Variants in FYCO1 observed in about 807,000 individuals in gnomAD.
FYCO1 encodes the protein FYVE and coiled-coil domain autophagy adaptor 1, also known as FYVE and coiled-coil domain-containing protein 1.
A neutral mutation model predicts 165.1 loss-of-function variants in FYCO1; 122 were observed. That is an observed-to-expected ratio of 0.74 (90% CI 0.64 to 0.86). FYCO1 has a LOEUF of 0.86. Among genes scored for constraint, FYCO1 ranks in the 40% least tolerant of loss-of-function variants. FYCO1 has a pLI of 0.00. For missense variants in FYCO1, 1,702 were observed against 1,810.3 expected (o/e 0.94, Z 1.09); for synonymous variants, 648 against 742.5 (o/e 0.87, Z 2.07).
chr3:45,950,361 A>G (rs1458776155), intron 14 of FYCO1, among the ~76,000 whole-genome samples: 1 of 152,144 alleles, frequency 6.6e-6, no homozygotes, highest in Admixed American at 6.5e-5. Flanking sequence ...TAATGGCCAC[A>G]TCATCTGAGA....
Position 45,964,650 on chromosome 3 carries a change from G to T in FYCO1, c.3151-196C>A. ...CAACTGCAACTAGTTGTGGTGGTTG[G>T]CAAGTGGCAGGTACCAGAATTCCCA... On this transcript the variant is annotated intron_variant, in intron 9 of 17. Transcript: ENST00000296137. The surrounding 1 kb of genome is among the most constrained non-coding windows in gnomAD (Gnocchi z 4.1). 2 of 676,694 alleles carry T rather than the reference G, an allele frequency of 3.0e-6. No homozygotes were observed. The highest frequency in any genetic ancestry group is 3.6e-6 in the Non-Finnish European group (2 of 547,978). 41.9% of individuals were successfully genotyped at this position (676,694 alleles called of 1,614,324 possible). A position where few individuals can be genotyped will look rare whatever the true frequency, so the allele number is the denominator to read the frequency against.
At position 45,918,513 on chromosome 3, in the gene FYCO1, C is replaced by T. The variant is rs1053825853; in HGVS notation, c.*3252G>A. ...GAATGGCTTCTCTCTGCTTTAATTC[C>T]CAACACCTCTGAGCCAAGGACAGTT... On this transcript the variant is annotated 3_prime_UTR_variant, in exon 18 of 18. Transcript: ENST00000296137. 1.3e-5 allele frequency: 2 copies of T among 151,988 alleles called. No homozygotes were observed. The highest frequency in any genetic ancestry group is 2.9e-5 in the Non-Finnish European group (2 of 68,004). 9.4% of individuals were successfully genotyped at this position (151,988 alleles called of 1,614,324 possible).
At chr3:45,940,555 G>C (rs1043317817) in intron 14 of FYCO1, among the ~76,000 whole-genome samples, 1 of 152,210 alleles carries the variant, frequency 6.6e-6, no homozygotes, top group Non-Finnish European at 1.5e-5. Context: ...TGCTCCAAGG[G>C]AAGAGTCGGG....
At chr3:45,960,749 T>C (rs1194334683) in intron 11 of FYCO1, among the ~76,000 whole-genome samples, 1 of 152,212 alleles carries the variant, frequency 6.6e-6, no homozygotes. Context: ...TCAGATTGTA[T>C]GTGCCTCTTG....
rs1703086298 is a variant in FYCO1, at chr3:45,921,419, GC to G, written c.*345del. 2.8e-6 allele frequency: 1 copy of G among 355,428 alleles called. No homozygotes were observed. Among genetic ancestry groups the G allele is most frequent in the Admixed American group, 4.0e-5 (1 of 25,310 alleles). The allele number at this position is 355,428 out of a possible 1,614,324, so 22.0% of individuals were successfully genotyped here. A position where few individuals can be genotyped will look rare whatever the true frequency, so the allele number is the denominator to read the frequency against. ...ACAGGCAGAAGTTGGAATCACCCCTGCCCGTGAAACTCTCCACAAGAGGCCT... is the reference window on the plus strand; with the variant it reads ...ACAGGCAGAAGTTGGAATCACCCCTGCCGTGAAACTCTCCACAAGAGGCCT... On this transcript the variant is annotated 3_prime_UTR_variant, in exon 18 of 18. Transcript: ENST00000296137.
intron 14 of FYCO1, among the ~76,000 whole-genome samples, chr3:45,950,594 C>T (rs1447166804): frequency 1.3e-5 from 2 of 152,154 alleles, no homozygotes; most frequent in Non-Finnish European, 2.9e-5. Context: ...AAGCAGCACC[C>T]CCTTCCAGCT....
At position 45,964,505 on chromosome 3, in the gene FYCO1, A is replaced by AC; in HGVS notation, c.3151-52dup. The AC allele has an allele frequency of 6.8e-6, 11 of 1,610,282 alleles. No homozygotes were observed. Among genetic ancestry groups the AC allele is most frequent in the Non-Finnish European group, 9.3e-6 (11 of 1,178,424 alleles). ...CACTCAGCTTGCAGAAGGCCATGCA[A>AC]CGTACCATAAAGTGGCTGGTGTGCC... On this transcript the variant is annotated intron_variant, in intron 9 of 17. Transcript: ENST00000296137. This position sits in a 1 kb window ranked among gnomAD's most constrained non-coding sequence, Gnocchi z 4.1.
intron 1 of FYCO1, among the ~76,000 whole-genome samples, chr3:45,989,797 C>T (rs1285697390): frequency 4.6e-5 from 7 of 152,150 alleles, no homozygotes; most frequent in Admixed American, 3.3e-4. Context: ...TCCATGGACC[C>T]CAGAGAGCAG....
intron 4 of FYCO1, among the ~76,000 whole-genome samples, chr3:45,978,003 A>G (rs1706857925): frequency 6.6e-6 from 1 of 152,226 alleles, no homozygotes; most frequent in African/African-American, 2.4e-5. Flanking sequence ...AGCAGAGCCT[A>G]TGCCAGCCAC....
At position 45,964,234 on chromosome 3, in the gene FYCO1, G is replaced by T; in HGVS notation, c.3269+102C>A. On this transcript the variant is annotated intron_variant, in intron 10 of 17. Transcript: ENST00000296137. The surrounding 1 kb of genome is among the most constrained non-coding windows in gnomAD (Gnocchi z 4.1). The stretch of plus-strand genomic sequence containing the variant: ...GAGTTTGTGGCTTTTCTTGCAAAAG[G>T]ACTTCCTAAACCTAATATGAGTGAC... The T allele has an allele frequency of 1.0e-6, 1 of 956,428 alleles. No homozygotes were observed. 59.2% of individuals were successfully genotyped at this position (956,428 alleles called of 1,614,324 possible).
chr3:45,950,947 C>T (rs963071755), intron 14 of FYCO1, among the ~76,000 whole-genome samples: 2 of 152,204 alleles, frequency 1.3e-5, no homozygotes, highest in African/African-American at 4.8e-5. Context: ...CATCAAATCT[C>T]CTGGTGGGTG....
chr3:45,965,286 C>G (rs1378851564), intron 8 of FYCO1, among the ~76,000 whole-genome samples, 161 bp from the exon 9 acceptor site: 1 of 152,250 alleles, frequency 6.6e-6, no homozygotes, highest in African/African-American at 2.4e-5. Flanking sequence ...GAAACACTTT[C>G]AAGCTTACTA....
At chr3:45,931,869 C>T (rs1421723134) in intron 15 of FYCO1, among the ~76,000 whole-genome samples, 1 of 152,160 alleles carries the variant, frequency 6.6e-6, no homozygotes, top group Middle Eastern at 3.2e-3. Context: ...AAGGGTGGTG[C>T]AAGTAATACA....
intron 11 of FYCO1, among the ~76,000 whole-genome samples, chr3:45,961,082 G>A (rs970060552): frequency 1.3e-5 from 2 of 152,122 alleles, no homozygotes; most frequent in African/African-American, 4.8e-5. Context: ...AAAGTAGAGA[G>A]ATGATAGGGA....
At chr3:45,973,417 A>G (rs1706557009) in intron 5 of FYCO1, among the ~76,000 whole-genome samples, 186 bp from the exon 6 acceptor site, 1 of 152,256 alleles carries the variant, frequency 6.6e-6, no homozygotes, top group Non-Finnish European at 1.5e-5. Context: ...CTCTTCTTCA[A>G]AGAAATTACT....
chr3:45,976,241 CG>C (rs1706751754), intron 4 of FYCO1, among the ~76,000 whole-genome samples: 1 of 151,814 alleles, frequency 6.6e-6, no homozygotes, highest in Non-Finnish European at 1.5e-5. Flanking sequence ...GAGATGTGAC[CG>C]TAACTGTTTG....
chr3:45,958,779 A>G (rs1049305645), intron 12 of FYCO1, 160 bp from the exon 13 acceptor site: 3 of 729,314 alleles, frequency 4.1e-6, no homozygotes, highest in Non-Finnish European at 7.4e-6. Flanking sequence ...TAAGATTCCA[A>G]CAAAGCCTTC....
At position 45,973,208 on chromosome 3, in the gene FYCO1, G is replaced by C; in HGVS notation, c.419C>G (p.Pro140Arg). 1.2e-6 allele frequency: 2 copies of C among 1,614,152 alleles called. No individual in the cohort carries two copies. The highest frequency in any genetic ancestry group is 1.7e-6 in the Non-Finnish European group (2 of 1,180,012). ...VTSDWYYARS[P>R]FLQPKLSSDI... Reference sequence around the variant, plus strand: ...CGAGCTCAGCTTTGGCTGCAGAAAGGGGCTTCTTGCATAGTACCAGTCACT... The same window carrying C: ...CGAGCTCAGCTTTGGCTGCAGAAAGCGGCTTCTTGCATAGTACCAGTCACT... The change falls in exon 6 of 18, where the codon CCC becomes CGC. Residue 140 changes from proline to arginine, a missense_variant. Pro to Arg is a moderately radical substitution (Grantham distance 103, BLOSUM62 -2). Transcript: ENST00000296137.
chr3:45,983,369 A>G (rs941854053), intron 2 of FYCO1, among the ~76,000 whole-genome samples: 1 of 152,238 alleles, frequency 6.6e-6, no homozygotes, highest in African/African-American at 2.4e-5. Context: ...GTAGATTTGT[A>G]TGCTTATTAA....
Sources: allele counts gnomAD v4.1 joint callset (sites outside exome capture counted in the v4.1 genomes callset), GRCh38; gene constraint gnomAD v4.1.1; non-coding constraint Gnocchi (gnomAD v3.1); transcripts MANE v1.5; gene names NCBI Gene and HGNC (gene_info 2026-07-23, HGNC 2026-07-21).